Variants in AUTS2 observed in about 807,000 individuals in gnomAD.
AUTS2 encodes the protein autism susceptibility gene 2 protein.
AUTS2 carries 17 observed loss-of-function variants against 112.4 expected under a neutral mutation model. The ratio of observed to expected loss-of-function variants is 0.15; its 90% CI spans 0.10 to 0.23. The LOEUF (loss-of-function observed/expected upper bound fraction) is 0.23, where lower values mean the gene tolerates loss of function less well. Ranked by LOEUF, AUTS2 falls within the 10% of genes least tolerant of loss-of-function variation. The pLI is 1.00. For synonymous variants in AUTS2, 751 were observed against 702.7 expected (o/e 1.07, Z -1.09); for missense variants, 1,510 against 1,701.6 (o/e 0.89, Z 1.98).
chr7:70,246,640 C>T (rs1812937249), intron 4 of AUTS2, among the ~76,000 whole-genome samples: 1 of 151,884 alleles, frequency 6.6e-6, no homozygotes, highest in African/African-American at 2.4e-5. Context: ...CCCTCCCCCA[C>T]CTCTTATTAT....
At chr7:70,245,227 G>A (rs1048579356) in intron 4 of AUTS2, among the ~76,000 whole-genome samples, 1 of 149,876 alleles carries the variant, frequency 6.7e-6, no homozygotes, top group African/African-American at 2.5e-5. Flanking sequence ...TAGAAGTATT[G>A]CAGTTTTTTA....
chr7:70,368,961 G>A (rs1199212516), intron 4 of AUTS2, among the ~76,000 whole-genome samples: 1 of 152,148 alleles, frequency 6.6e-6, no homozygotes, highest in Non-Finnish European at 1.5e-5. Context: ...AAAGGAAGTT[G>A]TTCTGGTTAA....
intron 1 of AUTS2, among the ~76,000 whole-genome samples, chr7:69,838,131 A>G (rs1791808444): frequency 1.3e-5 from 2 of 152,212 alleles, no homozygotes; most frequent in African/African-American, 4.8e-5. Flanking sequence ...TGGAGGGGTT[A>G]TATATGTGCC....
chr7:69,848,497 T>C (rs1425994494), intron 1 of AUTS2, among the ~76,000 whole-genome samples: 1 of 152,136 alleles, frequency 6.6e-6, no homozygotes, highest in East Asian at 1.9e-4. Context: ...TGTGTGTTTG[T>C]GTGTGTGTGC....
chr7:69,653,906 G>A (rs1795399468), intron 1 of AUTS2, among the ~76,000 whole-genome samples: 1 of 152,154 alleles, frequency 6.6e-6, no homozygotes, highest in Non-Finnish European at 1.5e-5. Flanking sequence ...ACTTCTCTCT[G>A]TCTCTACTTA....
intron 5 of AUTS2, among the ~76,000 whole-genome samples, chr7:70,449,190 T>C (rs1796432916): frequency 1.3e-5 from 2 of 152,258 alleles, no homozygotes; most frequent in Non-Finnish European, 1.5e-5. Flanking sequence ...TTGCTTTGTC[T>C]CTACTTATTT....
chr7:69,844,827 C>T (rs1269007971), intron 1 of AUTS2, among the ~76,000 whole-genome samples: 1 of 152,050 alleles, frequency 6.6e-6, no homozygotes, highest in African/African-American at 2.4e-5. Context: ...CATTTGACCC[C>T]GAATTGTGTT....
intron 2 of AUTS2, among the ~76,000 whole-genome samples, chr7:69,915,949 G>C (rs1698201389): frequency 6.6e-6 from 1 of 152,152 alleles, no homozygotes. Flanking sequence ...GAGCTCTTGA[G>C]CTCAAGCAAT....
chr7:70,558,392 G>T (rs1300599910), intron 5 of AUTS2, among the ~76,000 whole-genome samples: 2 of 152,134 alleles, frequency 1.3e-5, no homozygotes. Context: ...TAGCAGCTGT[G>T]GGGGACCCTT....
At chr7:70,411,568 TA>T (rs1008802364) in intron 4 of AUTS2, among the ~76,000 whole-genome samples, 11 of 148,512 alleles carry the variant, frequency 7.4e-5, no homozygotes, top group Middle Eastern at 3.6e-3. Flanking sequence ...TGGTCACATT[TA>T]AAAAAAAAAG....
intron 4 of AUTS2, among the ~76,000 whole-genome samples, chr7:70,427,550 TG>T (rs2130775186): frequency 6.6e-6 from 1 of 152,334 alleles, no homozygotes; most frequent in African/African-American, 2.4e-5. Flanking sequence ...ACATACAGAT[TG>T]TTTTATGAAA....
At chr7:70,673,210 C>T (rs538352699) in intron 5 of AUTS2, among the ~76,000 whole-genome samples, 2 of 152,220 alleles carry the variant, frequency 1.3e-5, no homozygotes, top group Non-Finnish European at 2.9e-5. Context: ...CCTAAGGAAT[C>T]CAAATTATAA....
At chr7:70,758,379 T>G (rs1335837154) in intron 6 of AUTS2, among the ~76,000 whole-genome samples, 1 of 152,210 alleles carries the variant, frequency 6.6e-6, no homozygotes, top group East Asian at 1.9e-4. Flanking sequence ...ACAGAGGTTG[T>G]AGAGTTTGCA....
At chr7:70,099,373 T>C (rs1804366389) in intron 2 of AUTS2, among the ~76,000 whole-genome samples, 2 of 152,178 alleles carry the variant, frequency 1.3e-5, no homozygotes, top group Non-Finnish European at 2.9e-5. Flanking sequence ...TCTTGGATCT[T>C]AGCATCTTCC....
chr7:70,363,546 G>T (rs1326374110), intron 4 of AUTS2, among the ~76,000 whole-genome samples: 2 of 149,124 alleles, frequency 1.3e-5, no homozygotes, highest in Non-Finnish European at 3.0e-5. Flanking sequence ...TTCTTAGAAA[G>T]AATTATTTAT....
At chr7:69,750,048 T>C (rs932863062) in intron 1 of AUTS2, among the ~76,000 whole-genome samples, 1 of 152,160 alleles carries the variant, frequency 6.6e-6, no homozygotes, top group Non-Finnish European at 1.5e-5. Flanking sequence ...CCTGCAGATA[T>C]TCATATTGCA....
At chr7:70,733,371 C>T (rs925761850) in intron 6 of AUTS2, among the ~76,000 whole-genome samples, 5 of 152,186 alleles carry the variant, frequency 3.3e-5, no homozygotes. Context: ...TAGAAACCCT[C>T]ACTGCTGCAG....
intron 4 of AUTS2, among the ~76,000 whole-genome samples, chr7:70,421,418 T>C (rs933544648): frequency 6.6e-5 from 10 of 152,130 alleles, no homozygotes; most frequent in African/African-American, 2.2e-4. Flanking sequence ...TCCTTGCATT[T>C]TAACTCTTAA....
At chr7:69,652,388 G>A (rs2129134304) in intron 1 of AUTS2, among the ~76,000 whole-genome samples, 1 of 150,736 alleles carries the variant, frequency 6.6e-6, no homozygotes, top group Non-Finnish European at 1.5e-5. Flanking sequence ...TTTTTTCTTT[G>A]CCCTGATTTG....
Sources: allele counts gnomAD v4.1 joint callset (sites outside exome capture counted in the v4.1 genomes callset), GRCh38; gene constraint gnomAD v4.1.1; transcripts MANE v1.5; gene names NCBI Gene and HGNC (gene_info 2026-07-23, HGNC 2026-07-21).